CTIF: variants seen among roughly 807,000 people sequenced by gnomAD.
The protein encoded by CTIF is cap binding complex dependent translation initiation factor.
Under a neutral mutation model 66.0 loss-of-function variants are expected in CTIF, and 21 were observed. That is an observed-to-expected ratio of 0.32 (90% CI 0.23 to 0.46). The LOEUF is 0.46. Among genes scored for constraint, CTIF ranks in the 20% least tolerant of loss-of-function variants. The pLI is 1.00. For missense variants in CTIF, 739 were observed against 812.7 expected (o/e 0.91, Z 1.10); for synonymous variants, 345 against 326.4 (o/e 1.06, Z -0.62).
chr18:48,707,353 A>G (rs2092169839), intron 6 of CTIF, among the ~76,000 whole-genome samples: 1 of 152,214 alleles, frequency 6.6e-6, no homozygotes, highest in African/African-American at 2.4e-5. Context: ...AACAACTTAT[A>G]CTTTTTCCAG....
intron 1 of CTIF, among the ~76,000 whole-genome samples, chr18:48,602,255 G>T (rs992438015): frequency 2.6e-5 from 4 of 152,332 alleles, no homozygotes; most frequent in Non-Finnish European, 2.9e-5. Context: ...GAGCAGTGGG[G>T]CACCAATTTA....
chr18:48,675,410 C>T (rs953915868), intron 6 of CTIF, among the ~76,000 whole-genome samples: 17 of 152,180 alleles, frequency 1.1e-4, no homozygotes, highest in Non-Finnish European at 1.9e-4. Flanking sequence ...TGGTGGTGTG[C>T]TCCCACTAGA....
intron 9 of CTIF, among the ~76,000 whole-genome samples, chr18:48,787,619 C>A (rs1199478494): frequency 6.6e-6 from 1 of 152,170 alleles, no homozygotes; most frequent in Non-Finnish European, 1.5e-5. Flanking sequence ...GGTATCCTCT[C>A]ATGGTTGAGT....
intron 1 of CTIF, among the ~76,000 whole-genome samples, chr18:48,558,567 T>C (rs1376485007): frequency 6.6e-6 from 1 of 152,260 alleles, no homozygotes; most frequent in Non-Finnish European, 1.5e-5. Flanking sequence ...TACATATAAT[T>C]GTAATTTCGA....
intron 10 of CTIF, among the ~76,000 whole-genome samples, chr18:48,837,770 A>G (rs2068845303): frequency 6.6e-6 from 1 of 152,160 alleles, no homozygotes; most frequent in Non-Finnish European, 1.5e-5. Flanking sequence ...TGGATCCAGT[A>G]CAAACACAGG....
chr18:48,733,163 G>A (rs941946293), intron 7 of CTIF, among the ~76,000 whole-genome samples: 35 of 152,110 alleles, frequency 2.3e-4, no homozygotes, highest in African/African-American at 8.2e-4. Context: ...GTATCCCAAG[G>A]CACTCGGACA....
intron 7 of CTIF, among the ~76,000 whole-genome samples, chr18:48,722,292 G>A (rs564665976): frequency 6.9e-6 from 1 of 144,250 alleles, no homozygotes; most frequent in South Asian, 2.2e-4. Context: ...TATAGCTCAC[G>A]ACAGCCTCGA....
chr18:48,694,287 A>G (rs1388906054), intron 6 of CTIF, among the ~76,000 whole-genome samples: 1 of 152,246 alleles, frequency 6.6e-6, no homozygotes, highest in Non-Finnish European at 1.5e-5. Context: ...TTCCTGCCCA[A>G]GGACAATGGA....
chr18:48,797,111 C>T (rs1287077993), intron 9 of CTIF, among the ~76,000 whole-genome samples: 1 of 152,196 alleles, frequency 6.6e-6, no homozygotes, highest in Non-Finnish European at 1.5e-5. Context: ...GAGCACTACC[C>T]TATAGGGAAT....
At chr18:48,828,373 T>A (rs1037775646) in intron 10 of CTIF, among the ~76,000 whole-genome samples, 6 of 152,176 alleles carry the variant, frequency 3.9e-5, no homozygotes, top group Non-Finnish European at 8.8e-5. Flanking sequence ...CACGGGGGAA[T>A]TAACTAGCCT....
chr18:48,546,147 C>G (rs2088743879), intron 1 of CTIF, among the ~76,000 whole-genome samples: 1 of 152,176 alleles, frequency 6.6e-6, no homozygotes, highest in African/African-American at 2.4e-5. Flanking sequence ...CACTAAAAAG[C>G]TGTAACAACC....
intron 3 of CTIF, among the ~76,000 whole-genome samples, chr18:48,644,498 T>A (rs113814404): frequency 0.014 from 2,106 of 152,348 alleles, 53 homozygotes; most frequent in African/African-American, 0.048. Context: ...CCAGCGTGTA[T>A]GTCTGTCTTT....
At chr18:48,723,114 G>A (rs1051030438) in intron 7 of CTIF, among the ~76,000 whole-genome samples, 6 of 152,176 alleles carry the variant, frequency 3.9e-5, no homozygotes, top group South Asian at 2.1e-4. Flanking sequence ...GCTTCCAGGC[G>A]TGTGCTGCTA....
At chr18:48,858,217 C>T (rs1344413405) in intron 11 of CTIF, among the ~76,000 whole-genome samples, 9 of 152,338 alleles carry the variant, frequency 5.9e-5, no homozygotes, top group East Asian at 3.9e-4. Context: ...GGCTTCCAGA[C>T]GAGGACCTGG....
intron 10 of CTIF, among the ~76,000 whole-genome samples, chr18:48,837,917 C>T (rs558818694): frequency 4.8e-4 from 73 of 152,290 alleles, no homozygotes; most frequent in African/African-American, 1.6e-3. Flanking sequence ...CCACACCCTC[C>T]CTGGTGGGAA....
At chr18:48,747,271 G>A (rs1393619070) in intron 7 of CTIF, among the ~76,000 whole-genome samples, 2 of 152,172 alleles carry the variant, frequency 1.3e-5, no homozygotes, top group Non-Finnish European at 2.9e-5. Flanking sequence ...AGCCACCATC[G>A]GCCAGCTTGC....
chr18:48,736,339 G>A (rs2092502752), intron 7 of CTIF, among the ~76,000 whole-genome samples: 1 of 152,188 alleles, frequency 6.6e-6, no homozygotes, highest in African/African-American at 2.4e-5. Context: ...GGCATGCTCT[G>A]GGACCACTCA....
At chr18:48,790,062 C>T (rs1299236745) in intron 9 of CTIF, among the ~76,000 whole-genome samples, 1 of 152,224 alleles carries the variant, frequency 6.6e-6, no homozygotes, top group African/African-American at 2.4e-5. Context: ...AGGAGCTAAC[C>T]CATGTTAGCC....
intron 1 of CTIF, among the ~76,000 whole-genome samples, chr18:48,543,968 T>C (rs1439670502): frequency 1.3e-5 from 2 of 152,148 alleles, no homozygotes; most frequent in East Asian, 1.9e-4. Flanking sequence ...TTGGGAAATA[T>C]AGGGTGTCTT....
Sources: allele counts gnomAD v4.1 joint callset (sites outside exome capture counted in the v4.1 genomes callset), GRCh38; gene constraint gnomAD v4.1.1; transcripts MANE v1.5; gene names NCBI Gene and HGNC (gene_info 2026-07-23, HGNC 2026-07-21).